MYH10: variants seen among roughly 807,000 people sequenced by gnomAD.
The protein encoded by MYH10 is myosin heavy chain 10, also known as myosin-10.
A neutral mutation model predicts 257.8 loss-of-function variants in MYH10; 55 were observed. The ratio of observed to expected loss-of-function variants is 0.21; its 90% CI spans 0.17 to 0.27. MYH10 has a LOEUF of 0.27. MYH10 is among the 10% of genes least tolerant of loss of function. The pLI is 1.00. For synonymous variants in MYH10, 854 were observed against 921.7 expected, an observed-to-expected ratio of 0.93 and a Z score of 1.33; for missense variants, 1,631 against 2,500.6, an observed-to-expected ratio of 0.65 and a Z score of 7.42.
In MYH10 at chr17:8,492,413, G is replaced by C. The variant is rs762499918; in HGVS notation, c.4555C>G (p.Leu1519Val). 6.2e-7 allele frequency: 1 copy of C among 1,613,446 alleles called. No individual in the cohort carries two copies. Among genetic ancestry groups the C allele is most frequent in the Non-Finnish European group, 8.5e-7 (1 of 1,180,040 alleles). ...AGGGCTTCCTCGAGGGCCCGGGCCA[G>C]TGACAGGGCTTTGGTTTCTTTCTCT... The part of the protein sequence containing the change: ...AREKETKALS[L>V]ARALEEALEA... Residue 1519 changes from leucine to valine, a missense_variant, in exon 34 of 43, where the codon CTG becomes GTG. Coordinates refer to ENST00000360416, the MANE Select transcript of MYH10 (RefSeq NM_001256012.3).
intron 4 of MYH10, 74 bp downstream of exon 4, chr17:8,589,006 TC>T: frequency 1.4e-6 from 2 of 1,404,774 alleles, no homozygotes; most frequent in South Asian, 1.2e-5. Flanking sequence ...ACTTCTCCCC[TC>T]CCCCCAGACA....
At chr17:8,619,186 G>A (rs1236101551) in intron 2 of MYH10, among the ~76,000 whole-genome samples, 1 of 152,164 alleles carries the variant, frequency 6.6e-6, no homozygotes, top group Non-Finnish European at 1.5e-5. Flanking sequence ...TGTTCTCAAA[G>A]GTTGAGATTT....
intron 2 of MYH10, among the ~76,000 whole-genome samples, chr17:8,606,772 G>T (rs117132036): frequency 6.6e-6 from 1 of 152,164 alleles, no homozygotes; most frequent in Non-Finnish European, 1.5e-5. Context: ...TTCAGATTTG[G>T]GCTGTTTGCT....
intron 42 of MYH10, 83 bp downstream of exon 42, chr17:8,476,793 A>C (rs1912714407): frequency 1.0e-5 from 15 of 1,448,356 alleles, no homozygotes; most frequent in Non-Finnish European, 1.4e-5. Context: ...ATCTAAGTAA[A>C]CTTCCTCTGA....
Position 8,480,115 on chromosome 17 carries a change from T to C in MYH10, c.5592A>G (p.Glu1864=), listed in dbSNP as rs1467046456. 2 of 1,614,082 alleles carry C rather than the reference T, an allele frequency of 1.2e-6. No individual in the cohort carries two copies. Among genetic ancestry groups the C allele is most frequent in the Non-Finnish European group, 1.7e-6 (2 of 1,179,972 alleles). Residue 1864 remains glutamate, a synonymous_variant, in exon 40 of 43, where the codon GAA becomes GAG. Coordinates refer to ENST00000360416, the MANE Select transcript of MYH10 (RefSeq NM_001256012.3). ...CGGTAGCAAAAACCTCTTACTTGGCTTCCTGCTCAAGCTGCTCCTCCAGCT... is the reference window on the plus strand; with the variant it reads ...CGGTAGCAAAAACCTCTTACTTGGCCTCCTGCTCAAGCTGCTCCTCCAGCT... The part of the protein sequence containing the change: ...IGQLEEQLEQ[E]AKERAAANKL...
At chr17:8,628,799 T>C (rs1229423171) in intron 1 of MYH10, among the ~76,000 whole-genome samples, 1 of 152,232 alleles carries the variant, frequency 6.6e-6, no homozygotes, top group Non-Finnish European at 1.5e-5. Context: ...CGCTGAAGCA[T>C]ATAGTCTTCC....
intron 16 of MYH10, among the ~76,000 whole-genome samples, chr17:8,532,273 C>T (rs189119674): frequency 7.9e-5 from 12 of 152,302 alleles, no homozygotes; most frequent in African/African-American, 2.2e-4. Context: ...GCACTCCCAA[C>T]GGCATATCTC....
chr17:8,498,471 T>C (rs560470054), intron 30 of MYH10, among the ~76,000 whole-genome samples: 62 of 152,302 alleles, frequency 4.1e-4, no homozygotes, highest in African/African-American at 1.4e-3. Context: ...CTAGGATAAA[T>C]GACTAGACAT....
At chr17:8,497,406 T>C (rs961328062) in intron 30 of MYH10, among the ~76,000 whole-genome samples, 2 of 151,972 alleles carry the variant, frequency 1.3e-5, no homozygotes, top group African/African-American at 4.8e-5. Flanking sequence ...TTCCTATCCA[T>C]AGGTTCCATC....
chr17:8,498,915 C>T (rs1038195543), intron 30 of MYH10, among the ~76,000 whole-genome samples: 3 of 152,126 alleles, frequency 2.0e-5, no homozygotes, highest in Non-Finnish European at 2.9e-5. Flanking sequence ...ATAAAACTCT[C>T]GTAAATCTTT....
At chr17:8,544,429 T>C (rs2151948891) in intron 13 of MYH10, among the ~76,000 whole-genome samples, 1 of 152,310 alleles carries the variant, frequency 6.6e-6, no homozygotes, top group Admixed American at 6.5e-5. Flanking sequence ...CTTCTGATCG[T>C]TTATGTAGAG....
intron 3 of MYH10, among the ~76,000 whole-genome samples, chr17:8,599,053 T>C (rs2084496545): frequency 6.6e-6 from 1 of 152,222 alleles, no homozygotes; most frequent in Non-Finnish European, 1.5e-5. Flanking sequence ...TTTCCTCTTT[T>C]ACCAAAAGCC....
At position 8,509,572 on chromosome 17, in the gene MYH10, A is replaced by C. The variant is rs573761972; in HGVS notation, c.3090+240T>G. Among the ~76,000 whole-genome samples, 3 of 152,338 alleles carry C rather than the reference A, an allele frequency of 2.0e-5. No homozygotes were observed. In the East Asian group the frequency reaches 5.8e-4, roughly 29 times the overall value. ...TCATCATTGAGTGACCATTATGCACAAACTGCACATGTTACAAGTCTAAAA... is the reference window on the plus strand; with the variant it reads ...TCATCATTGAGTGACCATTATGCACCAACTGCACATGTTACAAGTCTAAAA... On this transcript the variant is annotated intron_variant, in intron 25 of 42. Transcript: ENST00000360416.
chr17:8,479,092 A>G (rs1017610707), intron 40 of MYH10, among the ~76,000 whole-genome samples: 3 of 152,264 alleles, frequency 2.0e-5, no homozygotes, highest in Non-Finnish European at 4.4e-5. Context: ...TATACTGAAC[A>G]TAGACTTTTG....
chr17:8,480,031 C>CA (rs948309997), intron 40 of MYH10, 79 bp downstream of exon 40: 15 of 1,455,576 alleles, frequency 1.0e-5, no homozygotes, highest in Admixed American at 9.1e-5. Flanking sequence ...GGGGAGCCCC[C>CA]CCGAAAGGGG....
At chr17:8,608,977 A>AT (rs1442459919) in intron 2 of MYH10, among the ~76,000 whole-genome samples, 2 of 152,040 alleles carry the variant, frequency 1.3e-5, no homozygotes, top group African/African-American at 2.4e-5. Context: ...CGCCCCGCTA[A>AT]TTTTTTTGTA....
intron 2 of MYH10, among the ~76,000 whole-genome samples, chr17:8,609,902 TA>T (rs113217780): frequency 7.0e-4 from 100 of 142,950 alleles, no homozygotes; most frequent in Middle Eastern, 3.6e-3. Flanking sequence ...AAACACTCTG[TA>T]AAAAAAAAAA....
intron 30 of MYH10, among the ~76,000 whole-genome samples, chr17:8,496,222 G>T (rs1423950493): frequency 1.3e-5 from 2 of 152,268 alleles, no homozygotes; most frequent in Non-Finnish European, 2.9e-5. Context: ...CAGAGGGGCA[G>T]CAGGGCGCCG....
In MYH10 at chr17:8,475,910, C is replaced by T. The variant is rs1912505624; in HGVS notation, c.5918G>A (p.Gly1973Asp). 2.5e-6 allele frequency: 4 copies of T among 1,614,128 alleles called. No homozygotes were observed. Among genetic ancestry groups the T allele is most frequent in the Non-Finnish European group, 3.4e-6 (4 of 1,180,038 alleles). Residue 1973 changes from glycine to aspartate, a missense_variant, in exon 43 of 43, where the codon GGC becomes GAC. Physicochemically the swap from Gly to Asp is moderately conservative, Grantham distance 94 (BLOSUM62 -1). Around this residue, in one of 11 missense-constraint regions of MYH10, gnomAD observed 343 missense variants for 389.5 expected, o/e 0.88. Coordinates refer to ENST00000360416, the MANE Select transcript of MYH10 (RefSeq NM_001256012.3). ...TCCTTCAAGGTGCAGCTGGCGCCGG[C>T]CAGATCGGCTGGAAGAGAAGCTGAT... ...GPISFSSSRS[G>D]RRQLHLEGAS...
Sources: allele counts gnomAD v4.1 joint callset (sites outside exome capture counted in the v4.1 genomes callset), GRCh38; gene constraint gnomAD v4.1.1; regional missense constraint gnomAD v4.1.1; transcripts MANE v1.5; gene names NCBI Gene and HGNC (gene_info 2026-07-23, HGNC 2026-07-21).